The following SIK3 variants were observed in gnomAD, a reference collection of about 807,000 sequenced individuals.
SIK3 encodes serine/threonine-protein kinase SIK3.
Under a neutral mutation model 144.2 loss-of-function variants are expected in SIK3, and 28 were observed. The observed-to-expected ratio is 0.19, with a 90% CI of 0.14 to 0.27. SIK3 has a LOEUF of 0.27. SIK3 is among the 10% of genes least tolerant of loss of function. The probability of loss-of-function intolerance (pLI) is 1.00; values close to 1 mark genes in which losing one functional copy is unlikely to be tolerated. For missense variants in SIK3, 1,319 were observed against 1,776.0 expected (o/e 0.74, Z 4.62); for synonymous variants, 686 against 676.3 (o/e 1.01, Z -0.22).
intron 21 of SIK3, among the ~76,000 whole-genome samples, chr11:116,850,442 C>A (rs1310907221): frequency 6.6e-6 from 1 of 152,208 alleles, no homozygotes; most frequent in Non-Finnish European, 1.5e-5. Context: ...CCTGCCAATC[C>A]AAAGCAACTC....
At chr11:116,947,628 C>T (rs537075608) in intron 3 of SIK3, among the ~76,000 whole-genome samples, 144 of 149,098 alleles carry the variant, frequency 9.7e-4, no homozygotes, top group Non-Finnish European at 1.7e-3. Flanking sequence ...TGCAGTGGCA[C>T]GATCTCGGCT....
chr11:117,057,464 T>C (rs1953588302), intron 1 of SIK3, among the ~76,000 whole-genome samples: 2 of 152,140 alleles, frequency 1.3e-5, no homozygotes, highest in South Asian at 2.1e-4. Context: ...AACCCTCTAT[T>C]TCCTCAATTT....
intron 1 of SIK3, among the ~76,000 whole-genome samples, chr11:116,957,997 A>G (rs1313953663): frequency 6.6e-6 from 1 of 152,202 alleles, no homozygotes; most frequent in East Asian, 1.9e-4. Context: ...ACTAAATCTA[A>G]ACTTCCTCAG....
chr11:116,935,650 G>A (rs1947876464), intron 3 of SIK3, among the ~76,000 whole-genome samples: 1 of 152,052 alleles, frequency 6.6e-6, no homozygotes, highest in South Asian at 2.1e-4. Flanking sequence ...GCTACACCAA[G>A]GTATTAGCAA....
intron 1 of SIK3, among the ~76,000 whole-genome samples, chr11:117,086,853 G>C (rs1258100271): frequency 6.6e-6 from 1 of 151,982 alleles, no homozygotes; most frequent in African/African-American, 2.4e-5. Context: ...AAATTAGCCA[G>C]GTGTGGTGGC....
At chr11:117,071,805 T>C (rs867364575) in intron 1 of SIK3, among the ~76,000 whole-genome samples, 77 of 145,198 alleles carry the variant, frequency 5.3e-4, no homozygotes, top group Non-Finnish European at 8.6e-4. Flanking sequence ...TTTTTTTTTT[T>C]CAGGAGAGAG....
chr11:117,009,494 A>C (rs1951172936), intron 1 of SIK3, among the ~76,000 whole-genome samples: 1 of 151,248 alleles, frequency 6.6e-6, no homozygotes, highest in African/African-American at 2.4e-5. Flanking sequence ...CAGGAGGTTG[A>C]GGCTGCAGTT....
At chr11:116,968,742 G>A (rs934683533) in intron 1 of SIK3, among the ~76,000 whole-genome samples, 3 of 152,126 alleles carry the variant, frequency 2.0e-5, no homozygotes, top group Admixed American at 6.5e-5. Flanking sequence ...TGCTAAGGTA[G>A]AACCAAGGAT....
At chr11:117,069,096 T>A (rs1954143476) in intron 1 of SIK3, among the ~76,000 whole-genome samples, 1 of 149,902 alleles carries the variant, frequency 6.7e-6, no homozygotes, top group Non-Finnish European at 1.5e-5. Flanking sequence ...TCTATGGCTT[T>A]ACTTGCCCAT....
intron 1 of SIK3, among the ~76,000 whole-genome samples, chr11:117,069,165 AGTT>A (rs1212687524): frequency 5.0e-5 from 5 of 99,572 alleles, no homozygotes; most frequent in South Asian, 3.9e-4. Context: ...CAGTTCTGGT[AGTT>A]GTTAAGATTT....
At chr11:116,911,577 G>A (rs1458116056) in intron 4 of SIK3, among the ~76,000 whole-genome samples, 4 of 152,060 alleles carry the variant, frequency 2.6e-5, no homozygotes, top group African/African-American at 9.7e-5. Context: ...CTGATTATAA[G>A]TATGAAAAAC....
At chr11:116,894,861 A>G (rs866055343) in intron 6 of SIK3, among the ~76,000 whole-genome samples, 35 of 152,126 alleles carry the variant, frequency 2.3e-4, no homozygotes, top group African/African-American at 8.5e-4. Context: ...GACTATTGTA[A>G]AAGTCTCCTC....
chr11:116,965,830 G>A (rs1049254470), intron 1 of SIK3, among the ~76,000 whole-genome samples: 1 of 144,432 alleles, frequency 6.9e-6, no homozygotes, highest in Non-Finnish European at 1.5e-5. Flanking sequence ...AGCTACTTGG[G>A]AGACTAAGGC....
At chr11:116,861,041 T>C (rs1484117868) in intron 19 of SIK3, among the ~76,000 whole-genome samples, 1 of 152,222 alleles carries the variant, frequency 6.6e-6, no homozygotes, top group Non-Finnish European at 1.5e-5. Flanking sequence ...GTCAGTTCTT[T>C]AGAGCAGTGT....
chr11:116,927,169 C>T, intron 4 of SIK3, 50 bp downstream of exon 4: 1 of 1,441,066 alleles, frequency 6.9e-7, no homozygotes, highest in African/African-American at 1.4e-5. Flanking sequence ...TATAGAACCC[C>T]AAGGAAAAGC....
chr11:116,889,854 G>A (rs1454697266), intron 6 of SIK3, among the ~76,000 whole-genome samples: 3 of 152,146 alleles, frequency 2.0e-5, no homozygotes, highest in Non-Finnish European at 4.4e-5. Flanking sequence ...CCAAGATCAC[G>A]CCACTGCACT....
intron 1 of SIK3, chr11:117,035,887 C>G: frequency 3.1e-6 from 5 of 1,596,724 alleles, no homozygotes; most frequent in Non-Finnish European, 4.2e-6. Flanking sequence ...AGCCAACACA[C>G]AAAACTACCG....
At chr11:117,091,278 C>A (rs1286137136) in intron 1 of SIK3, among the ~76,000 whole-genome samples, 2 of 141,368 alleles carry the variant, frequency 1.4e-5, no homozygotes, top group African/African-American at 5.2e-5. Flanking sequence ...GATCTCGGCT[C>A]ACTGCAACCT....
chr11:116,944,267 G>A (rs555246298), intron 3 of SIK3, among the ~76,000 whole-genome samples: 2 of 152,278 alleles, frequency 1.3e-5, no homozygotes, highest in South Asian at 4.1e-4. Flanking sequence ...TGTTATGTCT[G>A]CTCGGAGTGT....
Sources: allele counts gnomAD v4.1 joint callset (sites outside exome capture counted in the v4.1 genomes callset), GRCh38; gene constraint gnomAD v4.1.1; transcripts MANE v1.5; gene names NCBI Gene and HGNC (gene_info 2026-07-23, HGNC 2026-07-21).